Variants in MEI4 observed in about 807,000 individuals in gnomAD.
The protein encoded by MEI4 is meiotic double-stranded break formation protein 4.
In MEI4, 27 loss-of-function variants were observed where a neutral mutation model predicts 31.4. The observed-to-expected ratio is 0.86, with a 90% confidence interval of 0.63 to 1.19. The LOEUF (loss-of-function observed/expected upper bound fraction) is 1.19. Among genes scored for constraint, MEI4 ranks in the 50% most tolerant of loss-of-function variants. The pLI, the probability that MEI4 is intolerant of heterozygous loss-of-function variation, is 0.00. For synonymous variants in MEI4, 122 were observed against 145.4 expected, an observed-to-expected ratio of 0.84 and a Z score of 1.16; for missense variants, 329 against 398.9, an observed-to-expected ratio of 0.82 and a Z score of 1.49.
chr6:77,721,868 A>C (rs1337332012), intron 2 of MEI4, among the ~76,000 whole-genome samples: 1 of 107,042 alleles, frequency 9.3e-6, no homozygotes, highest in Non-Finnish European at 1.9e-5. Context: ...AATGTATAAC[A>C]GTCAATTAAT....
chr6:77,794,392 T>C (rs1027305362), intron 3 of MEI4, among the ~76,000 whole-genome samples: 10 of 152,106 alleles, frequency 6.6e-5, no homozygotes, highest in Non-Finnish European at 1.5e-4. Flanking sequence ...TGAAATCCCG[T>C]CTCTACTAAA....
Position 77,854,188 on chromosome 6 carries a change from A to C in MEI4, c.900+25126A>C, listed in dbSNP as rs114289156. 7.0e-4 allele frequency among the ~76,000 whole-genome samples: 106 copies of C among 151,964 alleles called. 1 individual carries two copies. Among genetic ancestry groups the C allele is most frequent in the African/African-American group, 2.5e-3 (104 of 41,470 alleles). On this transcript the variant is annotated intron_variant, in intron 4 of 4. Transcript: ENST00000684080. ...AGTTGAGAAATTTACTCTATTCATG[A>C]CTCGCTATTAATTTTACTGCTTATA...
At chr6:77,698,859 G>C (rs1025867423) in intron 2 of MEI4, among the ~76,000 whole-genome samples, 6 of 152,190 alleles carry the variant, frequency 3.9e-5, no homozygotes, top group Non-Finnish European at 7.3e-5. Flanking sequence ...ATCCTGCAGA[G>C]TGTTTTCCAA....
rs12386555 is a variant in MEI4 at position 77,750,000 on chromosome 6, T to G, written c.233-11130T>G. ...AAAGAAAAGAGTTTTCAACCCAGAA[T>G]TTCATATCCAGCCACACTGAGCTTC... is the stretch of plus-strand genomic sequence containing the variant. On this transcript the variant is annotated intron_variant, in intron 2 of 4. Transcript: ENST00000684080. 7.0e-3 allele frequency among the ~76,000 whole-genome samples: 1,059 copies of G among 152,292 alleles called. 13 individuals are homozygous for G. Among genetic ancestry groups the G allele is most frequent in the African/African-American group, 0.024 (999 of 41,566 alleles).
At chr6:77,660,292 A>G (rs1309989747) in intron 1 of MEI4, among the ~76,000 whole-genome samples, 4 of 152,158 alleles carry the variant, frequency 2.6e-5, no homozygotes, top group Non-Finnish European at 2.9e-5. Flanking sequence ...GGGAATGAGA[A>G]TAAGAGTGAG....
chr6:77,844,444 T>C (rs989272458), intron 4 of MEI4, among the ~76,000 whole-genome samples: 1 of 152,168 alleles, frequency 6.6e-6, no homozygotes, highest in African/African-American at 2.4e-5. Flanking sequence ...ATGAATACAC[T>C]GTGGTTAATT....
At chr6:77,802,652 T>G (rs555297832) in intron 3 of MEI4, among the ~76,000 whole-genome samples, 3 of 152,306 alleles carry the variant, frequency 2.0e-5, no homozygotes, top group Admixed American at 2.0e-4. Flanking sequence ...AGGAGCTCTT[T>G]TAGGACAGGC....
intron 2 of MEI4, among the ~76,000 whole-genome samples, chr6:77,714,737 C>T (rs1422617806): frequency 2.0e-5 from 3 of 152,170 alleles, no homozygotes; most frequent in Non-Finnish European, 2.9e-5. Flanking sequence ...TTTCTCCACA[C>T]CATTGCTTGG....
intron 2 of MEI4, among the ~76,000 whole-genome samples, chr6:77,700,558 CT>C (rs1464054783): frequency 6.6e-6 from 1 of 152,212 alleles, no homozygotes; most frequent in East Asian, 1.9e-4. Context: ...GAGGCAGTGC[CT>C]TGCCCTGCTT....
At chr6:77,672,659 C>T (rs1768767332) in intron 1 of MEI4, among the ~76,000 whole-genome samples, 1 of 152,222 alleles carries the variant, frequency 6.6e-6, no homozygotes, top group African/African-American at 2.4e-5. Flanking sequence ...CCTACTTCAG[C>T]CTCCTGAGTT....
Position 77,847,401 on chromosome 6 carries a change from T to TGA in MEI4, c.900+18342_900+18343dup. On this transcript the variant is annotated intron_variant, in intron 4 of 4. Transcript: ENST00000684080. The surrounding 1 kb of genome is among the most constrained non-coding windows in gnomAD (Gnocchi z 4.6). ...TAATTCTTCCTTTTTTCCATAAGCA[T>TGA]GAGAATGTATTGCTGCAGTTTTAAT... 6.6e-6 allele frequency among the ~76,000 whole-genome samples: 1 copy of TGA among 152,122 alleles called. No individual in the cohort carries two copies. Among genetic ancestry groups the TGA allele is most frequent in the East Asian group, 1.9e-4 (1 of 5,174 alleles).
chr6:77,759,288 A>G (rs939691233), intron 2 of MEI4, among the ~76,000 whole-genome samples: 2 of 152,028 alleles, frequency 1.3e-5, no homozygotes, highest in Non-Finnish European at 2.9e-5. Context: ...TACTGATCCT[A>G]TTCAGGGTAT....
chr6:77,656,071 T>G (rs1443902617), intron 1 of MEI4, among the ~76,000 whole-genome samples: 4 of 152,134 alleles, frequency 2.6e-5, no homozygotes, highest in African/African-American at 9.6e-5. Context: ...GTGAGCTCAT[T>G]CTTCATTTCA....
At chr6:77,668,514 A>C (rs911399289) in intron 1 of MEI4, among the ~76,000 whole-genome samples, 4 of 152,152 alleles carry the variant, frequency 2.6e-5, no homozygotes, top group African/African-American at 9.7e-5. Flanking sequence ...TATAGTATTG[A>C]TGTTAAGTAT....
At chr6:77,775,482 A>G (rs1334231248) in intron 3 of MEI4, among the ~76,000 whole-genome samples, 2 of 152,144 alleles carry the variant, frequency 1.3e-5, no homozygotes, top group Admixed American at 6.6e-5. Flanking sequence ...ATGGTCTTCA[A>G]TACCATCCAG....
chr6:77,890,442 A>C (rs1771732131), intron 4 of MEI4, among the ~76,000 whole-genome samples: 1 of 152,214 alleles, frequency 6.6e-6, no homozygotes, highest in Non-Finnish European at 1.5e-5. Flanking sequence ...CATTTGGAAC[A>C]GGCATATTTA....
chr6:77,806,248 G>A (rs1476312602), intron 3 of MEI4, among the ~76,000 whole-genome samples: 1 of 152,096 alleles, frequency 6.6e-6, no homozygotes, highest in Non-Finnish European at 1.5e-5. Flanking sequence ...GATTTAATCA[G>A]TGTTGTTCAG....
chr6:77,806,078 AAATCTCATTAT>A, intron 3 of MEI4, among the ~76,000 whole-genome samples: 1 of 152,248 alleles, frequency 6.6e-6, no homozygotes, highest in East Asian at 1.9e-4. Context: ...TGTATGTCCA[AAATCTCATTAT>A]AGTCTTGGCC....
intron 4 of MEI4, among the ~76,000 whole-genome samples, chr6:77,911,204 C>G (rs1220170960): frequency 1.3e-5 from 2 of 152,012 alleles, no homozygotes; most frequent in East Asian, 3.8e-4. Flanking sequence ...AATATATTCT[C>G]TCATTCTGTA....
Sources: allele counts gnomAD v4.1 joint callset (sites outside exome capture counted in the v4.1 genomes callset), GRCh38; gene constraint gnomAD v4.1.1; non-coding constraint Gnocchi (gnomAD v3.1); transcripts MANE v1.5; gene names NCBI Gene and HGNC (gene_info 2026-07-23, HGNC 2026-07-21).